The following XPR1 variants were observed in gnomAD, a reference collection of about 807,000 sequenced individuals.
XPR1 encodes the protein xenotropic and polytropic retrovirus receptor 1, also known as solute carrier family 53 member 1.
XPR1 carries 28 observed loss-of-function variants against 87.5 expected under a neutral mutation model. The ratio of observed to expected loss-of-function variants is 0.32; its 90% CI spans 0.24 to 0.44. XPR1 has a LOEUF of 0.44. XPR1 is among the 20% of genes least tolerant of loss of function. XPR1 has a pLI of 1.00. For synonymous variants in XPR1, 300 were observed against 306.1 expected (o/e 0.98, Z 0.21); for missense variants, 559 against 862.3 (o/e 0.65, Z 4.41).
intron 2 of XPR1, among the ~76,000 whole-genome samples, chr1:180,713,389 A>G (rs1012993877): frequency 1.3e-5 from 2 of 152,216 alleles, no homozygotes; most frequent in Non-Finnish European, 2.9e-5. Flanking sequence ...CTTTTTAAAA[A>G]TAGATTCCAT....
chr1:180,794,290 A>G (rs1649493248), intron 3 of XPR1, among the ~76,000 whole-genome samples: 1 of 152,258 alleles, frequency 6.6e-6, no homozygotes, highest in African/African-American at 2.4e-5. Context: ...GTATCTAAAT[A>G]TAGAAAAGGT....
chr1:180,711,302 A>G (rs1227820402), intron 2 of XPR1, among the ~76,000 whole-genome samples: 2 of 152,210 alleles, frequency 1.3e-5, no homozygotes, highest in Non-Finnish European at 2.9e-5. Flanking sequence ...AGATCACGCC[A>G]CTGCACTCCA....
chr1:180,874,375 A>C (rs1433129204), intron 13 of XPR1, among the ~76,000 whole-genome samples: 1 of 152,192 alleles, frequency 6.6e-6, no homozygotes, highest in African/African-American at 2.4e-5. Context: ...CACTGAAAAC[A>C]ATAAAAATGC....
intron 1 of XPR1, among the ~76,000 whole-genome samples, chr1:180,639,898 A>G (rs757043768): frequency 1.1e-4 from 16 of 152,200 alleles, no homozygotes; most frequent in Admixed American, 3.3e-4. Context: ...AGCAAGGACA[A>G]TAGAGAAAAG....
intron 6 of XPR1, among the ~76,000 whole-genome samples, chr1:180,807,960 C>T (rs1361034036): frequency 2.0e-5 from 3 of 151,998 alleles, no homozygotes; most frequent in Admixed American, 6.6e-5. Flanking sequence ...GCCGAGATCG[C>T]GCCACTGCAC....
intron 2 of XPR1, among the ~76,000 whole-genome samples, chr1:180,726,239 A>T (rs1658335037): frequency 1.3e-5 from 2 of 152,190 alleles, no homozygotes; most frequent in African/African-American, 4.8e-5. Context: ...GCACTTTGTA[A>T]AATGGACCAA....
rs1437758979 is a variant in XPR1, at chr1:180,886,375, C to T, written c.*2309C>T. 6.6e-6 allele frequency: 1 copy of T among 152,138 alleles called. No individual in the cohort carries two copies. The highest frequency in any genetic ancestry group is 1.5e-5 in the Non-Finnish European group (1 of 68,018). 9.4% of individuals were successfully genotyped at this position (152,138 alleles called of 1,614,324 possible). A position where few individuals can be genotyped will look rare whatever the true frequency, so the allele number is the denominator to read the frequency against. On this transcript the variant is annotated 3_prime_UTR_variant, in exon 15 of 15. Transcript: ENST00000367590. The stretch of plus-strand genomic sequence containing the variant: ...AGACATTTGAATTATTAACTTTATT[C>T]TTTATTAGTGAATCTCTATGATGGC...
intron 12 of XPR1, among the ~76,000 whole-genome samples, chr1:180,866,569 A>G (rs1379642294): frequency 1.3e-5 from 2 of 152,222 alleles, no homozygotes; most frequent in Non-Finnish European, 2.9e-5. Context: ...CTGACTCTGA[A>G]AGGCACATGA....
intron 1 of XPR1, among the ~76,000 whole-genome samples, chr1:180,633,248 A>T (rs1654655133): frequency 6.6e-6 from 1 of 152,252 alleles, no homozygotes; most frequent in African/African-American, 2.4e-5. Flanking sequence ...GATACCTAAG[A>T]GGCTTTAAGC....
intron 2 of XPR1, among the ~76,000 whole-genome samples, chr1:180,785,671 G>C (rs1649112085): frequency 6.6e-6 from 1 of 151,848 alleles, no homozygotes; most frequent in South Asian, 2.1e-4. Flanking sequence ...TTTTAGAAGA[G>C]AAGCTATGTT....
intron 9 of XPR1, among the ~76,000 whole-genome samples, chr1:180,833,569 A>G (rs1651155913): frequency 6.6e-6 from 1 of 152,228 alleles, no homozygotes; most frequent in Non-Finnish European, 1.5e-5. Flanking sequence ...CTTCAGACCA[A>G]CAAAGATCAA....
chr1:180,736,026 C>G (rs1159821438), intron 2 of XPR1, among the ~76,000 whole-genome samples: 1 of 152,110 alleles, frequency 6.6e-6, no homozygotes, highest in African/African-American at 2.4e-5. Flanking sequence ...CTCATGGAGT[C>G]TATAACCTCA....
intron 3 of XPR1, among the ~76,000 whole-genome samples, chr1:180,799,555 A>G (rs1649706483): frequency 1.3e-5 from 2 of 152,196 alleles, no homozygotes; most frequent in African/African-American, 4.8e-5. Flanking sequence ...ATAGAATACC[A>G]TGATAGTGGA....
intron 2 of XPR1, among the ~76,000 whole-genome samples, chr1:180,744,386 CCTTT>C (rs1425882251): frequency 6.6e-6 from 1 of 151,954 alleles, no homozygotes. Flanking sequence ...CCAGAGCATT[CCTTT>C]CTATTCCTTT....
intron 3 of XPR1, among the ~76,000 whole-genome samples, chr1:180,796,673 C>T (rs1273646710): frequency 6.6e-6 from 1 of 152,142 alleles, no homozygotes; most frequent in Non-Finnish European, 1.5e-5. Context: ...GTGTTAACAG[C>T]AGCATTATTT....
chr1:180,696,204 GTGTGTATATATATATATA>G (rs1311499186), intron 2 of XPR1, among the ~76,000 whole-genome samples: 1,663 of 102,336 alleles, frequency 0.016, 32 homozygotes, highest in African/African-American at 0.059. Context: ...GTGTGTGTGT[GTGTGTATATATATATATA>G]TATATATATT....
At chr1:180,873,739 A>G in intron 12 of XPR1, 64 bp from the exon 13 acceptor site, 10 of 1,569,336 alleles carry the variant, frequency 6.4e-6, no homozygotes, top group Non-Finnish European at 8.7e-6. Context: ...ACATATGCTC[A>G]TTGGTATGCC....
intron 1 of XPR1, among the ~76,000 whole-genome samples, chr1:180,637,003 G>A (rs1483182643): frequency 7.7e-6 from 1 of 129,408 alleles, no homozygotes; most frequent in Non-Finnish European, 1.5e-5. Context: ...AGTGAGCTGA[G>A]ATTGTGCCAC....
chr1:180,780,876 G>A (rs1648911254), intron 2 of XPR1, among the ~76,000 whole-genome samples: 2 of 151,778 alleles, frequency 1.3e-5, no homozygotes, highest in Non-Finnish European at 2.9e-5. Flanking sequence ...CTCCCATTGT[G>A]TTTGTCTTTT....
Sources: gnomAD v4.1 joint callset for allele counts (sites outside exome capture counted in the v4.1 genomes callset) on GRCh38, gnomAD v4.1.1 for gene constraint, MANE v1.5 for transcripts, NCBI Gene and HGNC (gene_info 2026-07-23, HGNC 2026-07-21) for gene names.